Variants in GPHN observed in about 807,000 individuals in gnomAD.
GPHN encodes the protein gephyrin.
A neutral mutation model predicts 95.5 loss-of-function variants in GPHN; 17 were observed. The ratio of observed to expected loss-of-function variants is 0.18; its 90% CI spans 0.12 to 0.27. The LOEUF (loss-of-function observed/expected upper bound fraction) is 0.27, where lower values mean the gene tolerates loss of function less well. GPHN is among the 10% of genes least tolerant of loss of function. GPHN has a pLI of 1.00. For synonymous variants in GPHN, 320 were observed against 322.5 expected, an observed-to-expected ratio of 0.99 and a Z score of 0.08; for missense variants, 660 against 978.1, an observed-to-expected ratio of 0.67 and a Z score of 4.34.
intron 9 of GPHN, among the ~76,000 whole-genome samples, chr14:66,970,462 GT>G (rs1448881433): frequency 6.6e-6 from 1 of 152,132 alleles, no homozygotes; most frequent in Non-Finnish European, 1.5e-5. Flanking sequence ...TCCTAGTAGT[GT>G]TAGTTTTTAC....
intron 2 of GPHN, among the ~76,000 whole-genome samples, chr14:66,701,747 G>A (rs774600866): frequency 2.0e-5 from 3 of 152,204 alleles, no homozygotes; most frequent in Non-Finnish European, 4.4e-5. Flanking sequence ...CAGCCTCTCA[G>A]CTAGAATCTA....
intron 3 of GPHN, among the ~76,000 whole-genome samples, chr14:66,783,362 A>G (rs922252364): frequency 1.3e-5 from 2 of 151,978 alleles, no homozygotes; most frequent in Non-Finnish European, 2.9e-5. Context: ...TGGCTATGAT[A>G]TTAAAGTTGA....
intron 9 of GPHN, among the ~76,000 whole-genome samples, chr14:66,981,037 G>A (rs2070632228): frequency 6.6e-6 from 1 of 152,152 alleles, no homozygotes; most frequent in Non-Finnish European, 1.5e-5. Context: ...CAACAAGAGT[G>A]AAACTCCGTC....
At chr14:67,466,994 C>CAAAAAAAA in the GPHN span, 4 of 72,864 alleles carry the variant, frequency 5.5e-5, no homozygotes, top group Non-Finnish European at 5.2e-5. Flanking sequence ...GACCCAATCT[C>CAAAAAAAA]AAAAAAAAAA....
At chr14:67,473,515 G>A in the GPHN span, 28 of 1,614,158 alleles carry the variant, frequency 1.7e-5, no homozygotes, top group Non-Finnish European at 2.2e-5. The surrounding 1 kb of genome is among the most constrained non-coding windows in gnomAD (Gnocchi z 6.5). Context: ...AGGGTGTTGC[G>A]GATGATGAAC....
At chr14:67,523,867 T>C in the GPHN span, among the ~76,000 whole-genome samples, 1 of 151,796 alleles carries the variant, frequency 6.6e-6, no homozygotes, top group Non-Finnish European at 1.5e-5. Context: ...CCATGGGCAG[T>C]AATGTCAGGT....
intron 11 of GPHN, among the ~76,000 whole-genome samples, chr14:67,080,168 GATA>G (rs2076635103): frequency 6.6e-6 from 1 of 151,938 alleles, no homozygotes; most frequent in Non-Finnish European, 1.5e-5. Context: ...GACAATTACT[GATA>G]ATGAGCATCT....
At chr14:67,393,204 T>C in the GPHN span, 10 of 1,614,054 alleles carry the variant, frequency 6.2e-6, no homozygotes, top group Non-Finnish European at 8.5e-6. Flanking sequence ...CTTGAACGGA[T>C]TCCGGTGTTG....
chr14:67,167,533 C>A (rs1347969540), intron 20 of GPHN, among the ~76,000 whole-genome samples: 1 of 152,154 alleles, frequency 6.6e-6, no homozygotes, highest in African/African-American at 2.4e-5. Flanking sequence ...CTTAAAAAAT[C>A]TATTCTTAAG....
the GPHN span, chr14:67,690,334 T>C: frequency 4.3e-6 from 7 of 1,614,078 alleles, no homozygotes; most frequent in Admixed American, 1.0e-4. Flanking sequence ...CCTTCCCAGG[T>C]GATGTGCGAG....
At chr14:66,681,027 A>G (rs1595523135) in intron 1 of GPHN, 80 bp from the exon 2 acceptor site, 1 of 814,744 alleles carries the variant, frequency 1.2e-6, no homozygotes, top group East Asian at 2.5e-5. Flanking sequence ...TTTCATTTCA[A>G]AATGTCTTTT....
intron 5 of GPHN, among the ~76,000 whole-genome samples, chr14:66,892,765 A>G (rs761149259): frequency 1.3e-5 from 2 of 152,198 alleles, no homozygotes; most frequent in Non-Finnish European, 2.9e-5. Context: ...CGAGAAGAGA[A>G]TGGAGAGTTT....
chr14:67,409,670 G>A, the GPHN span, among the ~76,000 whole-genome samples: 1 of 152,034 alleles, frequency 6.6e-6, no homozygotes, highest in South Asian at 2.1e-4. Flanking sequence ...TCTCGTCTGG[G>A]TGGGATTAAG....
chr14:67,501,275 A>G, the GPHN span, among the ~76,000 whole-genome samples: 1 of 152,150 alleles, frequency 6.6e-6, no homozygotes, highest in African/African-American at 2.4e-5. Context: ...GGCTAGAACT[A>G]GGGTGAGACA....
At chr14:67,399,097 T>C in the GPHN span, among the ~76,000 whole-genome samples, 2 of 152,256 alleles carry the variant, frequency 1.3e-5, no homozygotes, top group Non-Finnish European at 2.9e-5. Flanking sequence ...AGTCAAAGGA[T>C]GTGGGCAATA....
intron 5 of GPHN, among the ~76,000 whole-genome samples, chr14:66,890,661 G>A (rs932459370): frequency 6.6e-6 from 1 of 151,718 alleles, no homozygotes; most frequent in African/African-American, 2.4e-5. Context: ...GAATGTTGAT[G>A]GAAAAATGCT....
At chr14:67,506,227 G>A in the GPHN span, among the ~76,000 whole-genome samples, 1 of 151,894 alleles carries the variant, frequency 6.6e-6, no homozygotes, top group African/African-American at 2.4e-5. Flanking sequence ...TTCATAAAGC[G>A]GGTGTATTTT....
intron 5 of GPHN, among the ~76,000 whole-genome samples, chr14:66,901,010 C>T (rs776864578): frequency 3.3e-5 from 5 of 151,984 alleles, no homozygotes; most frequent in Admixed American, 6.6e-5. Flanking sequence ...CCACCAACAG[C>T]GTACAAATGT....
At chr14:67,287,383 A>G in the GPHN span, among the ~76,000 whole-genome samples, 1 of 152,154 alleles carries the variant, frequency 6.6e-6, no homozygotes. Flanking sequence ...TATATTAAGT[A>G]TGTTCTAGTT....
Sources: gnomAD v4.1 joint callset for allele counts (sites outside exome capture counted in the v4.1 genomes callset) on GRCh38, gnomAD v4.1.1 for gene constraint, Gnocchi (gnomAD v3.1) non-coding constraint, MANE v1.5 for transcripts, NCBI Gene and HGNC (gene_info 2026-07-23, HGNC 2026-07-21) for gene names.